GALNT8: variants seen among roughly 807,000 people sequenced by gnomAD.
GALNT8 encodes the protein polypeptide N-acetylgalactosaminyltransferase 8, also known as probable polypeptide N-acetylgalactosaminyltransferase 8.
GALNT8 carries 66 observed loss-of-function variants against 62.7 expected under a neutral mutation model. That is an observed-to-expected ratio of 1.05 (90% CI 0.86 to 1.29). The LOEUF is 1.29. GALNT8 is among the 50% of genes most tolerant of loss of function. The probability of loss-of-function intolerance (pLI) is 0.00; values close to 1 mark genes in which losing one functional copy is unlikely to be tolerated. For missense variants in GALNT8, 771 were observed against 791.8 expected, an observed-to-expected ratio of 0.97 and a Z score of 0.32; for synonymous variants, 288 against 294.3, an observed-to-expected ratio of 0.98 and a Z score of 0.22.
chr12:4,769,275 C>T (rs760286557), intron 10 of GALNT8, among the ~76,000 whole-genome samples: 6 of 152,150 alleles, frequency 3.9e-5, no homozygotes, highest in Non-Finnish European at 5.9e-5. Context: ...AGTGCTCCCA[C>T]ACACCACTGG....
chr12:4,744,515 A>G lies in GALNT8; in HGVS notation c.677-2A>G, dbSNP rs780437635. 1 of 1,599,036 alleles carries G rather than the reference A, an allele frequency of 6.3e-7. No individual in the cohort carries two copies. The highest frequency in any genetic ancestry group is 1.7e-5 in the Admixed American group (1 of 58,108). On this transcript the variant is annotated splice_acceptor_variant, in intron 3 of 10. Transcript: ENST00000252318. LOFTEE classifies it high-confidence loss of function. ...TTCTATAGGTGTGCACTTGATTGAC[A>G]GGAGAACTAAAGGTACACTTGGATG...
chr12:4,763,424 ATGTT>A (rs1399757573), intron 8 of GALNT8, 34 bp downstream of exon 8: 1 of 1,576,742 alleles, frequency 6.3e-7, no homozygotes, highest in African/African-American at 1.4e-5. Flanking sequence ...TGGATTTTAA[ATGTT>A]TGACTGTGAA....
intron 10 of GALNT8, among the ~76,000 whole-genome samples, chr12:4,772,172 A>G (rs2137548749): frequency 6.6e-6 from 1 of 152,350 alleles, no homozygotes; most frequent in East Asian, 1.9e-4. Flanking sequence ...GGTAGTCAGT[A>G]CTGACCCAAT....
intron 6 of GALNT8, 104 bp downstream of exon 6, chr12:4,746,362 C>T (rs1215568237): frequency 2.7e-6 from 2 of 733,036 alleles, no homozygotes; most frequent in Non-Finnish European, 4.9e-6. Context: ...GTCATTGGCT[C>T]AAAGGTGGAT....
chr12:4,740,414 C>T (rs182318859), intron 3 of GALNT8, among the ~76,000 whole-genome samples: 10 of 151,446 alleles, frequency 6.6e-5, no homozygotes, highest in African/African-American at 2.4e-4. Context: ...AAGCACCTTA[C>T]GTGTGTTAAC....
chr12:4,755,978 G>A (rs1236068371), intron 6 of GALNT8, among the ~76,000 whole-genome samples: 1 of 152,200 alleles, frequency 6.6e-6, no homozygotes, highest in African/African-American at 2.4e-5. Context: ...CTTACGGTGT[G>A]TAAGAGGGCA....
intron 6 of GALNT8, among the ~76,000 whole-genome samples, chr12:4,747,201 C>T (rs925698617): frequency 1.3e-5 from 2 of 152,070 alleles, no homozygotes; most frequent in African/African-American, 4.8e-5. Context: ...AAGCATTTAT[C>T]CTTTGTGTTA....
At chr12:4,725,972 G>A (rs1216841957) in intron 1 of GALNT8, among the ~76,000 whole-genome samples, 5 of 152,212 alleles carry the variant, frequency 3.3e-5, no homozygotes, top group Admixed American at 6.5e-5. Flanking sequence ...GTGGATGATG[G>A]TGGTAGTGGT....
chr12:4,735,014 G>A (rs1386757703), intron 2 of GALNT8, among the ~76,000 whole-genome samples: 2 of 152,216 alleles, frequency 1.3e-5, no homozygotes, highest in Admixed American at 6.5e-5. Context: ...CCCTGGCCCT[G>A]GACAGAGCAG....
chr12:4,732,270 T>C (rs1404799368), intron 2 of GALNT8, among the ~76,000 whole-genome samples: 2 of 152,258 alleles, frequency 1.3e-5, no homozygotes, highest in African/African-American at 4.8e-5. Flanking sequence ...CTGTAGCACA[T>C]AGAACTTACC....
intron 2 of GALNT8, among the ~76,000 whole-genome samples, chr12:4,736,252 A>G (rs1033869324): frequency 1.3e-5 from 2 of 152,214 alleles, no homozygotes; most frequent in East Asian, 3.9e-4. Context: ...CAACCTCTGA[A>G]CAAATACTGC....
At chr12:4,759,024 C>T (rs1457801081) in intron 6 of GALNT8, among the ~76,000 whole-genome samples, 1 of 152,112 alleles carries the variant, frequency 6.6e-6, no homozygotes, top group Non-Finnish European at 1.5e-5. Flanking sequence ...GATCTGCCTG[C>T]CTCGGCCTCC....
At chr12:4,762,289 T>C (rs12422704) in intron 7 of GALNT8, among the ~76,000 whole-genome samples, 66,411 of 152,004 alleles carry the variant, frequency 0.44, 14,818 homozygotes, top group East Asian at 0.56. Context: ...AATACTGAAC[T>C]GTCAAAGGAT....
chr12:4,727,509 T>C (rs1283372050), intron 2 of GALNT8, among the ~76,000 whole-genome samples: 1 of 152,232 alleles, frequency 6.6e-6, no homozygotes, highest in Non-Finnish European at 1.5e-5. Flanking sequence ...GCCCTCCACA[T>C]TTTCCTACAA....
At chr12:4,737,993 G>C (rs987545357) in intron 2 of GALNT8, among the ~76,000 whole-genome samples, 3 of 152,208 alleles carry the variant, frequency 2.0e-5, no homozygotes, top group African/African-American at 7.2e-5. Context: ...AAAATGGACT[G>C]ACACTAACCT....
chr12:4,772,251 GC>G (rs1946427962), intron 10 of GALNT8, among the ~76,000 whole-genome samples, 193 bp from the exon 11 acceptor site: 1 of 152,250 alleles, frequency 6.6e-6, no homozygotes, highest in South Asian at 2.1e-4. Context: ...TAGTCAGTTT[GC>G]CATGGGGCTG....
chr12:4,759,310 A>C (rs1484177943), intron 6 of GALNT8, among the ~76,000 whole-genome samples: 1 of 152,036 alleles, frequency 6.6e-6, no homozygotes, highest in Non-Finnish European at 1.5e-5. Context: ...TAATGAAAGA[A>C]AATGTGCACT....
In GALNT8 at chr12:4,743,470, A is replaced by G. The variant is rs557408484; in HGVS notation, c.677-1047A>G. Reference sequence around the variant, plus strand: ...ACTTAGGTGTTGATTCCAGGTCTTGATCACTCTAGGTCTCACAAATATGCT... The same window carrying G: ...ACTTAGGTGTTGATTCCAGGTCTTGGTCACTCTAGGTCTCACAAATATGCT... On this transcript the variant is annotated intron_variant, in intron 3 of 10. Coordinates refer to ENST00000252318, the MANE Select transcript of GALNT8 (RefSeq NM_017417.2). Among the ~76,000 whole-genome samples the G allele has an allele frequency of 5.9e-5, 9 of 152,322 alleles. No individual in the cohort carries two copies. In the East Asian group the frequency reaches 1.7e-3, roughly 29 times the overall value.
chr12:4,751,313 T>G (rs2137535552), intron 6 of GALNT8, among the ~76,000 whole-genome samples: 1 of 152,112 alleles, frequency 6.6e-6, no homozygotes, highest in East Asian at 1.9e-4. Flanking sequence ...AATTTTGGAT[T>G]TGGTTTCCTC....
Sources: gnomAD v4.1 joint callset for allele counts (sites outside exome capture counted in the v4.1 genomes callset) on GRCh38, gnomAD v4.1.1 for gene constraint, MANE v1.5 for transcripts, NCBI Gene and HGNC (gene_info 2026-07-23, HGNC 2026-07-21) for gene names.